KCTD8: variants seen among roughly 807,000 people sequenced by gnomAD.
KCTD8 encodes the protein potassium channel tetramerization domain containing 8, also known as BTB/POZ domain-containing protein KCTD8.
Under a neutral mutation model 31.5 loss-of-function variants are expected in KCTD8, and 27 were observed. The ratio of observed to expected loss-of-function variants is 0.86; its 90% CI spans 0.63 to 1.18. The LOEUF (loss-of-function observed/expected upper bound fraction) is 1.18, where lower values mean the gene tolerates loss of function less well. Among genes scored for constraint, KCTD8 ranks in the 50% most tolerant of loss-of-function variants. The pLI, the probability that KCTD8 is intolerant of heterozygous loss-of-function variation, is 0.00. For missense variants in KCTD8, 658 were observed against 647.7 expected (o/e 1.02, Z -0.17); for synonymous variants, 290 against 280.0 (o/e 1.04, Z -0.36).
intron 1 of KCTD8, among the ~76,000 whole-genome samples, chr4:44,408,993 A>T (rs1234655847): frequency 6.6e-6 from 1 of 151,768 alleles, no homozygotes; most frequent in African/African-American, 2.4e-5. Flanking sequence ...CTGTAACCCT[A>T]GTACTTTGGG....
At chr4:44,268,343 AC>A (rs745580810) in intron 1 of KCTD8, among the ~76,000 whole-genome samples, 202 of 151,956 alleles carry the variant, frequency 1.3e-3, no homozygotes, top group Middle Eastern at 3.4e-3. Context: ...AAATTCAACA[AC>A]CCTTCATGCT....
chr4:44,364,868 A>G (rs1001970870), intron 1 of KCTD8, among the ~76,000 whole-genome samples: 10 of 144,152 alleles, frequency 6.9e-5, no homozygotes, highest in Admixed American at 3.5e-4. Flanking sequence ...TAAAGCCAGT[A>G]AAAAAAAAAA....
chr4:44,262,362 C>G (rs1716205072), intron 1 of KCTD8, among the ~76,000 whole-genome samples: 2 of 151,844 alleles, frequency 1.3e-5, no homozygotes, highest in Admixed American at 6.6e-5. Context: ...CCTACTCTCT[C>G]CATGGTAATG....
At chr4:44,437,053 T>G (rs1393793522) in intron 1 of KCTD8, among the ~76,000 whole-genome samples, 1 of 102,654 alleles carries the variant, frequency 9.7e-6, no homozygotes, top group Non-Finnish European at 1.9e-5. Flanking sequence ...ACAATGATTT[T>G]GAAAGTTTTT....
intron 1 of KCTD8, among the ~76,000 whole-genome samples, chr4:44,304,925 A>T (rs1717755889): frequency 6.6e-6 from 1 of 151,438 alleles, no homozygotes; most frequent in Admixed American, 6.6e-5. Context: ...CAGGAGTTGA[A>T]CTCCAGCCTA....
intron 1 of KCTD8, among the ~76,000 whole-genome samples, chr4:44,371,881 T>G (rs1453810551): frequency 6.6e-6 from 1 of 152,218 alleles, no homozygotes; most frequent in African/African-American, 2.4e-5. Context: ...TGTCCAGTTT[T>G]TAAATTTTGT....
chr4:44,378,702 T>C (rs1577644950), intron 1 of KCTD8, among the ~76,000 whole-genome samples: 1 of 152,250 alleles, frequency 6.6e-6, no homozygotes, highest in Non-Finnish European at 1.5e-5. Flanking sequence ...AGCTATTACA[T>C]GAGTCCCAAG....
chr4:44,183,718 CCAAA>C (rs1048035665), intron 1 of KCTD8, among the ~76,000 whole-genome samples: 17 of 152,016 alleles, frequency 1.1e-4, no homozygotes, highest in African/African-American at 4.1e-4. Flanking sequence ...ACAAGCATTT[CCAAA>C]CAAAGTCTAT....
intron 1 of KCTD8, among the ~76,000 whole-genome samples, chr4:44,322,985 T>G (rs1449845962): frequency 6.6e-6 from 1 of 152,056 alleles, no homozygotes; most frequent in Non-Finnish European, 1.5e-5. Flanking sequence ...TTGGTAAATA[T>G]AGCTTTGTAG....
intron 1 of KCTD8, among the ~76,000 whole-genome samples, chr4:44,413,404 C>T (rs1721002771): frequency 6.6e-6 from 1 of 152,090 alleles, no homozygotes; most frequent in South Asian, 2.1e-4. Flanking sequence ...ATCCCTGTTC[C>T]CCTAGACGGA....
At chr4:44,362,231 C>T (rs1719516629) in intron 1 of KCTD8, among the ~76,000 whole-genome samples, 1 of 152,058 alleles carries the variant, frequency 6.6e-6, no homozygotes, top group African/African-American at 2.4e-5. Context: ...TTGTCTGAGA[C>T]CAAATTTTGG....
chr4:44,306,616 T>C (rs1389116004), intron 1 of KCTD8, among the ~76,000 whole-genome samples: 1 of 151,878 alleles, frequency 6.6e-6, no homozygotes, highest in East Asian at 1.9e-4. Context: ...AAGCTATCCA[T>C]AACCCTATTA....
At position 44,447,677 on chromosome 4, in the gene KCTD8, G is replaced by A; in HGVS notation, c.847C>T (p.Leu283=). Residue 283 remains leucine (L), a synonymous_variant, in exon 1 of 2, where the codon CTG becomes TTG. Transcript: ENST00000360029. ...FTYLEQAFDR[L]SEAGFHMVAC... ...ACCATGTGGAAGCCGGCCTCGGACA[G>A]GCGATCAAAGGCCTGCTCCAAGTAG... is the stretch of plus-strand genomic sequence containing the variant. The A allele has an allele frequency of 6.2e-7, 1 of 1,612,544 alleles. No homozygotes were observed. The highest frequency in any genetic ancestry group is 1.1e-5 in the South Asian group (1 of 90,754).
chr4:44,411,192 A>T (rs113526101), intron 1 of KCTD8, among the ~76,000 whole-genome samples: 3 of 152,082 alleles, frequency 2.0e-5, no homozygotes, highest in Admixed American at 2.0e-4. Context: ...AAAGTGGGCC[A>T]GGTATAGTGG....
At chr4:44,318,921 A>G (rs1404592907) in intron 1 of KCTD8, among the ~76,000 whole-genome samples, 2 of 152,242 alleles carry the variant, frequency 1.3e-5, no homozygotes, top group African/African-American at 4.8e-5. Flanking sequence ...GTATCCTTGA[A>G]AAAGCAGAAA....
chr4:44,288,342 A>C (rs895699269), intron 1 of KCTD8, among the ~76,000 whole-genome samples: 2 of 152,154 alleles, frequency 1.3e-5, no homozygotes, highest in Non-Finnish European at 2.9e-5. Flanking sequence ...TTAGTACATA[A>C]AAACTTTCTT....
chr4:44,222,640 G>A lies in KCTD8; in HGVS notation c.962-47390C>T, dbSNP rs568312003. On this transcript the variant is annotated intron_variant, in intron 1 of 1. Transcript: ENST00000360029. ...AAAAACAATGTGGCTGCAACTTCAC[G>A]TCCACCTTTGTAATCTCAGGCAAAT... Among the ~76,000 whole-genome samples, 3 of 152,254 alleles carry A rather than the reference G, an allele frequency of 2.0e-5. No individual in the cohort carries two copies. In the East Asian group the frequency reaches 5.8e-4, roughly 29 times the overall value.
At chr4:44,417,509 C>A (rs143821713) in intron 1 of KCTD8, among the ~76,000 whole-genome samples, 1,146 of 79,132 alleles carry the variant, frequency 0.014, 11 homozygotes, top group Middle Eastern at 0.035. Flanking sequence ...CATGGTTTTC[C>A]TGGTTAGATT....
At chr4:44,332,688 C>T in intron 1 of KCTD8, among the ~76,000 whole-genome samples, 1 of 151,884 alleles carries the variant, frequency 6.6e-6, no homozygotes, top group East Asian at 1.9e-4. Context: ...CTTTTTCACT[C>T]TATTATCTCT....
Sources: allele counts gnomAD v4.1 joint callset (sites outside exome capture counted in the v4.1 genomes callset), GRCh38; gene constraint gnomAD v4.1.1; transcripts MANE v1.5; gene names NCBI Gene and HGNC (gene_info 2026-07-23, HGNC 2026-07-21).